Variants in CCNH observed in about 807,000 individuals in gnomAD.
CCNH encodes cyclin H.
A neutral mutation model predicts 41.9 loss-of-function variants in CCNH; 31 were observed. The ratio of observed to expected loss-of-function variants is 0.74; its 90% confidence interval spans 0.56 to 1.00. The LOEUF (loss-of-function observed/expected upper bound fraction) is 1.00. Ranked by LOEUF, CCNH falls within the 50% of genes least tolerant of loss-of-function variation. The probability of loss-of-function intolerance (pLI) is 0.00; values close to 1 mark genes in which losing one functional copy is unlikely to be tolerated. For synonymous variants in CCNH, 138 were observed against 136.1 expected (o/e 1.01, Z -0.10); for missense variants, 362 against 388.4 (o/e 0.93, Z 0.57).
chr5:87,335,419 GTTT>G lies in CCNH; in HGVS notation c.*91-16525_*91-16523del, dbSNP rs34986349. Reference sequence around the variant, plus strand: ...ATAGGTGAAGATAATAAAGAATGAGGTTTTTTTTTTTTTTTTTTTTTTTTTGTG... The same window carrying G: ...ATAGGTGAAGATAATAAAGAATGAGGTTTTTTTTTTTTTTTTTTTTTTGTG... On this transcript the variant is annotated intron_variant and NMD_transcript_variant, in intron 9 of 9. Coordinates refer to the CCNH transcript ENST00000645953. Among the ~76,000 whole-genome samples, 389 of 72,918 alleles carry G rather than the reference GTTT, an allele frequency of 5.3e-3. 1 individual carries two copies. Among genetic ancestry groups the G allele is most frequent in the Middle Eastern group, 0.027 (2 of 74 alleles). The allele number at this position is 72,918 out of a possible 152,430, so 47.8% of individuals were successfully genotyped here.
chr5:87,409,629 CGTGTGT>C (rs71610500), intron 2 of CCNH, among the ~76,000 whole-genome samples: 71 of 146,080 alleles, frequency 4.9e-4, no homozygotes, highest in African/African-American at 9.1e-4. Context: ...TTTAAAAATA[CGTGTGT>C]GTGTGTGTGT....
At chr5:87,327,426 A>G (rs1168911640) in intron 9 of CCNH, among the ~76,000 whole-genome samples, 1 of 152,202 alleles carries the variant, frequency 6.6e-6, no homozygotes, top group Admixed American at 6.5e-5. Flanking sequence ...AATTTCCCTA[A>G]TTTACAAGTG....
upstream of CCNH, chr5:87,379,624 A>C: frequency 9.1e-6 from 13 of 1,425,184 alleles, no homozygotes; most frequent in South Asian, 2.7e-5. Context: ...CAATACACAC[A>C]GAGATACCGA....
At chr5:87,361,816 T>G (rs901307649) in intron 9 of CCNH, among the ~76,000 whole-genome samples, 1 of 152,122 alleles carries the variant, frequency 6.6e-6, no homozygotes, top group African/African-American at 2.4e-5. Context: ...AGAAAGAACC[T>G]AATATAAATA....
intron 9 of CCNH, among the ~76,000 whole-genome samples, chr5:87,382,525 A>C (rs1761791299): frequency 6.6e-6 from 1 of 152,180 alleles, no homozygotes; most frequent in African/African-American, 2.4e-5. Flanking sequence ...TTGTCTTTAC[A>C]TGGGGCAAGT....
intron 9 of CCNH, chr5:87,331,562 A>G (rs1388944649): frequency 2.0e-6 from 3 of 1,538,220 alleles, no homozygotes; most frequent in Admixed American, 3.3e-5. Context: ...ATATTCATAA[A>G]TATACCTGTA....
In CCNH at chr5:87,399,414, C is replaced by T. The variant is rs961131501; in HGVS notation, c.852G>A (p.Glu284=). 1.2e-6 allele frequency: 2 copies of T among 1,613,092 alleles called. No individual in the cohort carries two copies. The change falls in exon 7 of 9, where the codon GAG becomes GAA. Residue 284 remains glutamate, a synonymous_variant. Transcript: ENST00000256897. ...CTTACGTGATTACGTTAAGTGCAAG[C>T]TCAGCAGAATGACATCGCTCCAACT... ...KQKLERCHSA[E]LALNVITKKR... is the part of the protein sequence containing the mutation.
intron 9 of CCNH, among the ~76,000 whole-genome samples, chr5:87,343,359 T>C (rs540883348): frequency 6.6e-6 from 1 of 152,286 alleles, no homozygotes; most frequent in African/African-American, 2.4e-5. Flanking sequence ...TCCAAGTTGA[T>C]CTCCCTTGAC....
upstream of CCNH, chr5:87,378,296 GGCTAT>G (rs1761460412): frequency 7.3e-7 from 1 of 1,365,448 alleles, no homozygotes. Flanking sequence ...ACATTTAAGT[GGCTAT>G]TCCTGTTGAG....
intron 9 of CCNH, among the ~76,000 whole-genome samples, chr5:87,325,542 A>AGG (rs1241236404): frequency 6.6e-6 from 1 of 152,224 alleles, no homozygotes; most frequent in East Asian, 1.9e-4. Flanking sequence ...TAGTATGATC[A>AGG]GGCACACAGA....
At chr5:87,411,033 G>GA (rs1402873424) in intron 2 of CCNH, among the ~76,000 whole-genome samples, 191 bp downstream of exon 2, 4 of 152,078 alleles carry the variant, frequency 2.6e-5, no homozygotes, top group African/African-American at 9.7e-5. Context: ...AGTGAGACTT[G>GA]AAATACTTTT....
In CCNH at chr5:87,319,869, A is replaced by G. The variant is rs559190241; in HGVS notation, c.*91-972T>C. 5.3e-5 allele frequency among the ~76,000 whole-genome samples: 8 copies of G among 152,324 alleles called. No individual in the cohort carries two copies. In the East Asian group the frequency reaches 1.5e-3, roughly 29 times the overall value. The stretch of plus-strand genomic sequence containing the variant: ...AGCATGGTGAGGCTGCAAAATTTCC[A>G]AACTTTTATGTTCTGCTTCCCTTTT... On this transcript the variant is annotated intron_variant and NMD_transcript_variant, in intron 9 of 9. Transcript: ENST00000645953.
At chr5:87,409,411 A>T in intron 2 of CCNH, 48 bp from the exon 3 acceptor site, 1 of 1,119,646 alleles carries the variant, frequency 8.9e-7, no homozygotes, top group Non-Finnish European at 1.3e-6. Flanking sequence ...ACAAATGTTA[A>T]ATGTTAAATT....
downstream of CCNH, chr5:87,391,870 A>AGTATT (rs1472785141): frequency 1.3e-5 from 3 of 230,658 alleles, no homozygotes; most frequent in African/African-American, 6.7e-5. Context: ...ATTTTTGTGA[A>AGTATT]GTATTCACAA....
At chr5:87,382,531 CAAGT>C (rs1761792368) in intron 9 of CCNH, among the ~76,000 whole-genome samples, 1 of 151,946 alleles carries the variant, frequency 6.6e-6, no homozygotes, top group Non-Finnish European at 1.5e-5. Flanking sequence ...TTACATGGGG[CAAGT>C]AAGAGGTTAA....
chr5:87,314,181 TAAAAAA>T (rs1046973202), downstream of CCNH, among the ~76,000 whole-genome samples: 2 of 151,516 alleles, frequency 1.3e-5, no homozygotes, highest in African/African-American at 4.9e-5. Context: ...CTCAAAAAGA[TAAAAAA>T]TAAAAAATAA....
At chr5:87,349,393 A>T (rs1217906560) in intron 9 of CCNH, 2 of 1,607,526 alleles carry the variant, frequency 1.2e-6, no homozygotes, top group African/African-American at 2.7e-5. Context: ...GCTATCTTTT[A>T]CTTTTCGCAA....
downstream of CCNH, among the ~76,000 whole-genome samples, chr5:87,317,311 C>T (rs1756418911): frequency 6.6e-6 from 1 of 152,146 alleles, no homozygotes; most frequent in Non-Finnish European, 1.5e-5. Flanking sequence ...CATTTTACCA[C>T]ACTGCTTAAG....
downstream of CCNH, among the ~76,000 whole-genome samples, chr5:87,372,462 A>G (rs1473099426): frequency 6.6e-6 from 1 of 152,174 alleles, no homozygotes; most frequent in African/African-American, 2.4e-5. Context: ...TCTGTTGGGC[A>G]CTTAATTTTC....
Sources: allele counts gnomAD v4.1 joint callset (sites outside exome capture counted in the v4.1 genomes callset), GRCh38; gene constraint gnomAD v4.1.1; transcripts MANE v1.5; gene names NCBI Gene and HGNC (gene_info 2026-07-23, HGNC 2026-07-21).